The following AGBL1 variants were observed in gnomAD, a reference collection of about 807,000 sequenced individuals.
The protein encoded by AGBL1 is cytosolic carboxypeptidase 4.
AGBL1 carries 130 observed loss-of-function variants against 118.9 expected under a neutral mutation model. That is an observed-to-expected ratio of 1.09 (90% CI 0.95 to 1.26). The LOEUF is 1.26. Among genes scored for constraint, AGBL1 ranks in the 50% most tolerant of loss-of-function variants. The probability of loss-of-function intolerance (pLI) is 0.00; values close to 1 mark genes in which losing one functional copy is unlikely to be tolerated. For synonymous variants in AGBL1, 555 were observed against 478.9 expected, an observed-to-expected ratio of 1.16 and a Z score of -2.08; for missense variants, 1,584 against 1,298.1, an observed-to-expected ratio of 1.22 and a Z score of -3.38.
At chr15:86,326,334 T>A (rs1034075122) in intron 17 of AGBL1, among the ~76,000 whole-genome samples, 59 of 152,326 alleles carry the variant, frequency 3.9e-4, no homozygotes, top group African/African-American at 1.4e-3. Flanking sequence ...CTCTTAGCCA[T>A]CTGGTGTGGG....
chr15:86,269,520 T>C (rs1306546173), intron 13 of AGBL1, among the ~76,000 whole-genome samples: 1 of 152,224 alleles, frequency 6.6e-6, no homozygotes, highest in Admixed American at 6.5e-5. Context: ...AAGACTAGAA[T>C]TGGAATGTTC....
intron 24 of AGBL1, among the ~76,000 whole-genome samples, chr15:87,010,902 A>G (rs1306031226): frequency 6.6e-6 from 1 of 152,186 alleles, no homozygotes; most frequent in Non-Finnish European, 1.5e-5. Flanking sequence ...TATTGATTCC[A>G]TCTCTGGAAA....
intron 22 of AGBL1, among the ~76,000 whole-genome samples, chr15:86,818,226 C>T (rs964173563): frequency 2.6e-5 from 4 of 152,144 alleles, no homozygotes; most frequent in Non-Finnish European, 5.9e-5. Flanking sequence ...TTTTAAGCCA[C>T]CTAATTTGTG....
At chr15:86,846,208 G>T (rs895712011) in intron 22 of AGBL1, among the ~76,000 whole-genome samples, 7 of 152,050 alleles carry the variant, frequency 4.6e-5, no homozygotes, top group Non-Finnish European at 1.0e-4. Flanking sequence ...AGCTAGAAAA[G>T]CACTCTCTCA....
intron 13 of AGBL1, among the ~76,000 whole-genome samples, chr15:86,267,927 G>C (rs1330420797): frequency 6.6e-6 from 1 of 152,132 alleles, no homozygotes; most frequent in Admixed American, 6.5e-5. Context: ...CTTCCAACCA[G>C]GAGACTGAGC....
At chr15:86,189,849 C>G (rs1412691424) in intron 5 of AGBL1, among the ~76,000 whole-genome samples, 2 of 152,168 alleles carry the variant, frequency 1.3e-5, no homozygotes, top group African/African-American at 4.8e-5. Context: ...AGCGCAAATG[C>G]TTTTGTAGAG....
chr15:86,480,322 T>C (rs2082634220), intron 18 of AGBL1, among the ~76,000 whole-genome samples: 1 of 152,182 alleles, frequency 6.6e-6, no homozygotes, highest in Non-Finnish European at 1.5e-5. Context: ...AACATCATAT[T>C]GTATACTGTA....
intron 24 of AGBL1, among the ~76,000 whole-genome samples, chr15:87,008,399 C>T (rs1373604245): frequency 1.3e-5 from 2 of 152,218 alleles, no homozygotes; most frequent in Non-Finnish European, 2.9e-5. Context: ...TAAGACATGA[C>T]TTGCTCCTCC....
At chr15:86,515,662 T>G (rs1203326460) in intron 18 of AGBL1, among the ~76,000 whole-genome samples, 1 of 152,210 alleles carries the variant, frequency 6.6e-6, no homozygotes, top group Non-Finnish European at 1.5e-5. Context: ...CTGGTTGCAA[T>G]GGATGACTTC....
intron 23 of AGBL1, among the ~76,000 whole-genome samples, chr15:86,933,484 A>G (rs1212697537): frequency 6.6e-6 from 1 of 152,182 alleles, no homozygotes; most frequent in African/African-American, 2.4e-5. Flanking sequence ...AATTGCTCTC[A>G]TAGATCTCAT....
chr15:86,741,372 A>T (rs1480770991), intron 22 of AGBL1, among the ~76,000 whole-genome samples: 1 of 129,066 alleles, frequency 7.7e-6, no homozygotes, highest in African/African-American at 2.9e-5. Flanking sequence ...ACAGTGGTCT[A>T]AGGCAAAGCA....
At chr15:86,414,841 T>C (rs567656410) in intron 18 of AGBL1, among the ~76,000 whole-genome samples, 16 of 152,264 alleles carry the variant, frequency 1.1e-4, no homozygotes, top group Non-Finnish European at 1.8e-4. Context: ...ATTAGCATCG[T>C]GGCTAAGAAC....
At chr15:86,849,116 C>T (rs1054073961) in intron 22 of AGBL1, among the ~76,000 whole-genome samples, 19 of 152,188 alleles carry the variant, frequency 1.2e-4, no homozygotes, top group Non-Finnish European at 2.2e-4. Context: ...TCATTGAAAG[C>T]TAATCTGAGC....
chr15:87,009,828 C>T lies in AGBL1; in HGVS notation c.3324-18997C>T, dbSNP rs2081540306. ...ACTGGATTTTGGACTTGCATGGGGC[C>T]TGTAGCCCCTTCATTTTGGCCAATT... is the stretch of plus-strand genomic sequence containing the variant. On this transcript the variant is annotated intron_variant, in intron 24 of 24. Coordinates refer to the AGBL1 transcript ENST00000441037. 1.3e-5 allele frequency among the ~76,000 whole-genome samples: 2 copies of T among 152,198 alleles called. 1 individual carries two copies. Among genetic ancestry groups the T allele is most frequent in the South Asian group, 4.1e-4 (2 of 4,830 alleles).
In AGBL1 at chr15:86,154,779, C is replaced by A. The variant is rs1200743997; in HGVS notation, c.394+218C>A. On this transcript the variant is annotated intron_variant, in intron 4 of 22. Coordinates refer to ENST00000614907, the MANE Select transcript of AGBL1 (RefSeq NM_001386094.1). The stretch of plus-strand genomic sequence containing the variant: ...GCTGGGTAGAGCTCTTGAGTCTGCT[C>A]CTAGAGATGGACTTCAATATTGTTT... Among the ~76,000 whole-genome samples the A allele has an allele frequency of 2.0e-5, 3 of 152,188 alleles. No individual in the cohort carries two copies. In the Middle Eastern group the frequency reaches 0.01, roughly 521 times the overall value.
In AGBL1 at chr15:86,332,888, C is replaced by G. The variant is rs553601792; in HGVS notation, c.2374+37480C>G. Among the ~76,000 whole-genome samples, 55 of 152,220 alleles carry G rather than the reference C, an allele frequency of 3.6e-4. 1 individual carries two copies. Among genetic ancestry groups the G allele is most frequent in the Admixed American group, 3.1e-3 (47 of 15,296 alleles). ...CACAGTGGAATAAAAATCCTCTGCT[C>G]TCTCAAAAACCACACAATTACATGG... On this transcript the variant is annotated intron_variant, in intron 17 of 22. Coordinates refer to ENST00000614907, the MANE Select transcript of AGBL1 (RefSeq NM_001386094.1).
intron 6 of AGBL1, among the ~76,000 whole-genome samples, chr15:86,246,036 C>T (rs1428913646): frequency 6.6e-6 from 1 of 152,158 alleles, no homozygotes; most frequent in Non-Finnish European, 1.5e-5. Flanking sequence ...CAGGTGCAAG[C>T]CACCACATTT....
intron 5 of AGBL1, among the ~76,000 whole-genome samples, chr15:86,194,730 G>T (rs948219891): frequency 1.3e-5 from 2 of 152,160 alleles, no homozygotes; most frequent in Non-Finnish European, 1.5e-5. Flanking sequence ...CAGTACTCAG[G>T]CACAGAACAG....
chr15:86,782,303 G>A (rs1199220583), intron 22 of AGBL1, among the ~76,000 whole-genome samples: 2 of 151,996 alleles, frequency 1.3e-5, no homozygotes, highest in Admixed American at 6.6e-5. Context: ...CATATATAAT[G>A]TCTGAGTCAT....
Sources: gnomAD v4.1 joint callset for allele counts (sites outside exome capture counted in the v4.1 genomes callset) on GRCh38, gnomAD v4.1.1 for gene constraint, MANE v1.5 for transcripts, NCBI Gene and HGNC (gene_info 2026-07-23, HGNC 2026-07-21) for gene names.